The following BABAM2 variants were observed in gnomAD, a reference collection of about 807,000 sequenced individuals.
BABAM2 encodes the protein BRISC and BRCA1 A complex member 2, also known as BRISC and BRCA1-A complex member 2.
BABAM2 carries 31 observed loss-of-function variants against 54.7 expected under a neutral mutation model. The ratio of observed to expected loss-of-function variants is 0.57; its 90% confidence interval spans 0.43 to 0.77. The LOEUF (loss-of-function observed/expected upper bound fraction) is 0.77, where lower values mean the gene tolerates loss of function less well. BABAM2 is among the 30% of genes least tolerant of loss of function. BABAM2 has a pLI of 0.00. For missense variants in BABAM2, 364 were observed against 455.8 expected (o/e 0.80, Z 1.83); for synonymous variants, 167 against 162.9 (o/e 1.03, Z -0.19).
intron 3 of BABAM2, among the ~76,000 whole-genome samples, chr2:27,956,153 G>A (rs765577969): frequency 9.7e-4 from 147 of 152,076 alleles, no homozygotes; most frequent in Admixed American, 1.9e-3. Context: ...TCATCTTTAC[G>A]AAAACCATAT....
At chr2:27,924,593 C>T (rs1198657450) in intron 2 of BABAM2, among the ~76,000 whole-genome samples, 1 of 152,050 alleles carries the variant, frequency 6.6e-6, no homozygotes, top group Non-Finnish European at 1.5e-5. Context: ...CATGTTGGCC[C>T]CGCTGGTCTT....
chr2:28,291,516 T>C (rs1291502189), intron 10 of BABAM2, among the ~76,000 whole-genome samples: 1 of 151,658 alleles, frequency 6.6e-6, no homozygotes, highest in Admixed American at 6.6e-5. Flanking sequence ...ATCACTTGAA[T>C]CTGGGAGGTG....
chr2:28,231,402 A>G lies in BABAM2; in HGVS notation c.681-5800A>G, dbSNP rs139618593. 1.5e-4 allele frequency among the ~76,000 whole-genome samples: 23 copies of G among 152,318 alleles called. No individual in the cohort carries two copies. The East Asian group carries it at 4.4e-3, about 29-fold the overall frequency. ...TTCAGAATGGGAAACTCAAGTCCTTAGACATAGTTAGGCATACAGTTAGTG... is the reference window on the plus strand; with the variant it reads ...TTCAGAATGGGAAACTCAAGTCCTTGGACATAGTTAGGCATACAGTTAGTG... On this transcript the variant is annotated intron_variant, in intron 7 of 11. Transcript: ENST00000379624.
chr2:28,017,132 T>G (rs996988095), intron 4 of BABAM2, among the ~76,000 whole-genome samples: 1 of 152,266 alleles, frequency 6.6e-6, no homozygotes, highest in African/African-American at 2.4e-5. Flanking sequence ...GAAAATATGT[T>G]TAAAATGATT....
At chr2:27,914,712 A>G (rs1666837404) in intron 2 of BABAM2, among the ~76,000 whole-genome samples, 2 of 152,194 alleles carry the variant, frequency 1.3e-5, no homozygotes, top group African/African-American at 4.8e-5. Context: ...AGAGAATGGA[A>G]CAAAAGTACA....
chr2:28,167,519 C>A (rs889120378), intron 7 of BABAM2, among the ~76,000 whole-genome samples: 2 of 151,874 alleles, frequency 1.3e-5, no homozygotes, highest in African/African-American at 4.8e-5. Context: ...CATGGTGAAA[C>A]CCCGTCTCTA....
At chr2:28,133,910 C>T (rs993137542) in intron 7 of BABAM2, among the ~76,000 whole-genome samples, 2 of 152,094 alleles carry the variant, frequency 1.3e-5, no homozygotes, top group African/African-American at 4.8e-5. Flanking sequence ...AGTCTGTTTG[C>T]CCAGGGTCGT....
chr2:28,205,004 A>C (rs544192193), intron 7 of BABAM2, among the ~76,000 whole-genome samples: 1 of 152,126 alleles, frequency 6.6e-6, no homozygotes, highest in East Asian at 1.9e-4. Flanking sequence ...TTCTTATTAA[A>C]ATCAGATTCT....
At chr2:27,974,922 C>G (rs1416153724) in intron 3 of BABAM2, among the ~76,000 whole-genome samples, 1 of 151,932 alleles carries the variant, frequency 6.6e-6, no homozygotes, top group Non-Finnish European at 1.5e-5. Context: ...GAAAATCAAT[C>G]CTATTTCTTT....
At chr2:28,001,789 A>T (rs544188052) in intron 4 of BABAM2, among the ~76,000 whole-genome samples, 21 of 152,108 alleles carry the variant, frequency 1.4e-4, no homozygotes, top group Admixed American at 5.2e-4. Flanking sequence ...AAACAATCAG[A>T]TCTCATGTGA....
intron 11 of BABAM2, chr2:28,310,090 G>T: frequency 6.2e-7 from 1 of 1,614,192 alleles, no homozygotes; most frequent in Non-Finnish European, 8.5e-7. Flanking sequence ...AGAAGAGAGA[G>T]CAACAGAGAT....
chr2:28,212,918 G>A (rs1346979909), intron 7 of BABAM2, among the ~76,000 whole-genome samples: 2 of 152,074 alleles, frequency 1.3e-5, no homozygotes, highest in East Asian at 3.9e-4. Context: ...AAGGTGCTAG[G>A]CAATTATTAA....
intron 4 of BABAM2, 58 bp downstream of exon 4, chr2:27,988,145 G>A: frequency 2.6e-6 from 4 of 1,522,300 alleles, no homozygotes; most frequent in Non-Finnish European, 3.6e-6. Context: ...AACAAAATTG[G>A]CTTTCAGCAG....
chr2:28,260,176 G>A lies in BABAM2; in HGVS notation c.934+15314G>A, dbSNP rs185364696. Among the ~76,000 whole-genome samples, 45 of 151,994 alleles carry A rather than the reference G, an allele frequency of 3.0e-4. 1 individual carries two copies. Among genetic ancestry groups the A allele is most frequent in the African/African-American group, 8.4e-4 (35 of 41,470 alleles). On this transcript the variant is annotated intron_variant, in intron 10 of 11. Coordinates refer to ENST00000379624, the MANE Select transcript of BABAM2 (RefSeq NM_199191.3). Reference sequence around the variant, plus strand: ...CTCCCAAAGTGCTGAGATTACAGGCGTGAGCCACCACACCCAGCCTTCTGA... The same window carrying A: ...CTCCCAAAGTGCTGAGATTACAGGCATGAGCCACCACACCCAGCCTTCTGA...
At chr2:27,998,473 GT>G (rs1312571132) in intron 4 of BABAM2, among the ~76,000 whole-genome samples, 6 of 148,002 alleles carry the variant, frequency 4.1e-5, no homozygotes, top group Admixed American at 6.8e-5. Context: ...ACATTTTTCA[GT>G]TTTTTTTTTA....
At chr2:27,996,659 T>A (rs1673167096) in intron 4 of BABAM2, among the ~76,000 whole-genome samples, 1 of 151,760 alleles carries the variant, frequency 6.6e-6, no homozygotes, top group Non-Finnish European at 1.5e-5. Flanking sequence ...CTCTCAACAC[T>A]CTGCCAAAAG....
At chr2:28,131,332 C>T (rs1173291123) in intron 7 of BABAM2, among the ~76,000 whole-genome samples, 1 of 51,898 alleles carries the variant, frequency 1.9e-5, no homozygotes, top group South Asian at 8.5e-4. Context: ...CCGCCCGCCT[C>T]GGCCTCCCAA....
Position 27,908,367 on chromosome 2 carries a change from G to A in BABAM2, c.128+13683G>A, listed in dbSNP as rs563649319. On this transcript the variant is annotated intron_variant, in intron 2 of 11. Coordinates refer to ENST00000379624, the MANE Select transcript of BABAM2 (RefSeq NM_199191.3). The stretch of plus-strand genomic sequence containing the variant: ...GCTCACTGCAGCCTCAACCTCCTGG[G>A]CTCAAGCAATCCTCTCACATCAAGT... 1.2e-4 allele frequency among the ~76,000 whole-genome samples: 19 copies of A among 152,154 alleles called. No homozygotes were observed. In the South Asian group the frequency reaches 1.7e-3, roughly 13 times the overall value.
intron 2 of BABAM2, among the ~76,000 whole-genome samples, chr2:27,907,460 G>A (rs1666267771): frequency 6.6e-6 from 1 of 151,736 alleles, no homozygotes; most frequent in Non-Finnish European, 1.5e-5. Context: ...TAAAATTTTT[G>A]TGATTCAGTA....
Sources: allele counts gnomAD v4.1 joint callset (sites outside exome capture counted in the v4.1 genomes callset), GRCh38; gene constraint gnomAD v4.1.1; transcripts MANE v1.5; gene names NCBI Gene and HGNC (gene_info 2026-07-23, HGNC 2026-07-21).